RXRB: variants seen among roughly 807,000 people sequenced by gnomAD.
RXRB encodes the protein retinoid X receptor beta, also known as retinoic acid receptor RXR-beta.
A neutral mutation model predicts 52.5 loss-of-function variants in RXRB; 18 were observed. The ratio of observed to expected loss-of-function variants is 0.34; its 90% CI spans 0.24 to 0.51. The LOEUF (loss-of-function observed/expected upper bound fraction) is 0.51, where lower values mean the gene tolerates loss of function less well. Ranked by LOEUF, RXRB falls within the 20% of genes least tolerant of loss-of-function variation. RXRB has a pLI of 0.97. For missense variants in RXRB, 455 were observed against 698.2 expected (o/e 0.65, Z 3.92); for synonymous variants, 233 against 267.1 (o/e 0.87, Z 1.25).
rs774791452 is a variant in RXRB at position 33,195,367 on chromosome 6, A to G, written c.1344T>C (p.Asn448=). 1 of 1,604,450 alleles carries G rather than the reference A, an allele frequency of 6.2e-7. No homozygotes were observed. The highest frequency in any genetic ancestry group is 2.2e-5 in the East Asian group (1 of 44,860). Residue 448 remains asparagine, a synonymous_variant, in exon 8 of 10, where the codon AAT becomes AAC. Coordinates refer to ENST00000374680, the MANE Select transcript of RXRB (RefSeq NM_021976.5). This position sits in a 1 kb window ranked among gnomAD's most constrained non-coding sequence, Gnocchi z 8.6. Reference sequence around the variant, plus strand: ...CAAAGGTAATCCTCCTCTTACCTGGATTAAACAGAATGATTGCCCTCAGGC... The same window carrying G: ...CAAAGGTAATCCTCCTCTTACCTGGGTTAAACAGAATGATTGCCCTCAGGC... ...LGCLRAIILF[N]PDAKGLSNPS...
rs968857135 is a variant in RXRB at position 33,196,162 on chromosome 6, G to A, written c.994-126C>T. 5 of 1,209,068 alleles carry A rather than the reference G, an allele frequency of 4.1e-6. No individual in the cohort carries two copies. In the African/African-American group the frequency reaches 7.5e-5, roughly 18 times the overall value. 74.9% of individuals were successfully genotyped at this position (1,209,068 alleles called of 1,614,324 possible). ...GTGAGCCCCATCCAAACCAATCCCT[G>A]TAAGTGAGTCTTCTCTTCTGGCATT... is the stretch of plus-strand genomic sequence containing the variant. On this transcript the variant is annotated intron_variant, in intron 5 of 9. Transcript: ENST00000374680. This position sits in a 1 kb window ranked among gnomAD's most constrained non-coding sequence, Gnocchi z 4.0.
rs950700934 is a variant in RXRB, at chr6:33,194,409, G to A, written c.*273C>T. The A allele has an allele frequency of 8.6e-6, 4 of 464,742 alleles. No individual in the cohort carries two copies. In the Admixed American group the frequency reaches 1.1e-4, roughly 13 times the overall value. 28.8% of individuals were successfully genotyped at this position (464,742 alleles called of 1,614,324 possible). On this transcript the variant is annotated 3_prime_UTR_variant, in exon 10 of 10. Coordinates refer to ENST00000374680, the MANE Select transcript of RXRB (RefSeq NM_021976.5). The surrounding 1 kb of genome is among the most constrained non-coding windows in gnomAD (Gnocchi z 4.1). ...GCTTTGTGCTGGGGGAAGGACAGAG[G>A]GTGAGAAATCACCCCAAATCATGGG...
intron 3 of RXRB, 120 bp downstream of exon 3, chr6:33,198,188 C>T: frequency 1.4e-6 from 2 of 1,411,668 alleles, no homozygotes; most frequent in South Asian, 1.2e-5. Context: ...AGCTTCTTTA[C>T]TCCCATCAGG....
Position 33,194,440 on chromosome 6 carries a change from C to T in RXRB, c.*242G>A. 2.0e-6 allele frequency: 1 copy of T among 497,576 alleles called. No individual in the cohort carries two copies. 30.8% of individuals were successfully genotyped at this position (497,576 alleles called of 1,614,324 possible). A position where few individuals can be genotyped will look rare whatever the true frequency, so the allele number is the denominator to read the frequency against. ...AAATCACCCCAAATCATGGGAGAACCCGACAAATTCAGAGACTCAAGGCCA... is the reference window on the plus strand; with the variant it reads ...AAATCACCCCAAATCATGGGAGAACTCGACAAATTCAGAGACTCAAGGCCA... On this transcript the variant is annotated 3_prime_UTR_variant, in exon 10 of 10. Coordinates refer to ENST00000374680, the MANE Select transcript of RXRB (RefSeq NM_021976.5). The surrounding 1 kb of genome is among the most constrained non-coding windows in gnomAD (Gnocchi z 4.1).
At position 33,196,255 on chromosome 6, in the gene RXRB, C is replaced by T; in HGVS notation, c.993+179G>A. 2 of 913,534 alleles carry T rather than the reference C, an allele frequency of 2.2e-6. No individual in the cohort carries two copies. Among genetic ancestry groups the T allele is most frequent in the Admixed American group, 1.8e-5 (1 of 55,932 alleles). The allele number at this position is 913,534 out of a possible 1,614,324, so 56.6% of individuals were successfully genotyped here. On this transcript the variant is annotated intron_variant, in intron 5 of 9. Coordinates refer to ENST00000374680, the MANE Select transcript of RXRB (RefSeq NM_021976.5). The surrounding 1 kb of genome is among the most constrained non-coding windows in gnomAD (Gnocchi z 4.0). ...CAGTGGGTTGTTTGGGGAGTGGAGA[C>T]AGAAGGAGCTATCACATCCACCTCA...
chr6:33,197,966 A>G lies in RXRB; in HGVS notation c.641-25T>C. 6.2e-7 allele frequency: 1 copy of G among 1,608,098 alleles called. No homozygotes were observed. The highest frequency in any genetic ancestry group is 1.7e-5 in the Admixed American group (1 of 59,304). ...CCTACAGGGAAAGGGGAGGAGCAAT[A>G]AGAAGGTTGCATGGAGACACCTTCA... On this transcript the variant is annotated intron_variant, in intron 3 of 9. Coordinates refer to ENST00000374680, the MANE Select transcript of RXRB (RefSeq NM_021976.5). The surrounding 1 kb of genome is among the most constrained non-coding windows in gnomAD (Gnocchi z 4.4).
chr6:33,199,617 G>A lies in RXRB; in HGVS notation c.236-201C>T, dbSNP rs1774271672. On this transcript the variant is annotated intron_variant, in intron 1 of 9. Transcript: ENST00000374680. ...TGTAACTCCGGCTGGTCCGATGGTA[G>A]TGGGTTATCAGAACTTATTAACATT... is the stretch of plus-strand genomic sequence containing the variant. 4 of 496,810 alleles carry A rather than the reference G, an allele frequency of 8.1e-6. No homozygotes were observed. The East Asian group carries it at 1.2e-4, about 15-fold the overall frequency. The allele number at this position is 496,810 out of a possible 1,614,324, so 30.8% of individuals were successfully genotyped here. A position where few individuals can be genotyped will look rare whatever the true frequency, so the allele number is the denominator to read the frequency against.
upstream of RXRB, chr6:33,200,713 A>C (rs2150678950): frequency 6.5e-7 from 1 of 1,546,392 alleles, no homozygotes; most frequent in Admixed American, 2.0e-5. The surrounding 1 kb of genome is among the most constrained non-coding windows in gnomAD (Gnocchi z 6.3). Context: ...GAAACCGAGG[A>C]GGCGGTCTCC....
chr6:33,196,234 G>A lies in RXRB; in HGVS notation c.994-198C>T, dbSNP rs1773882724. The A allele has an allele frequency of 2.2e-6, 2 of 915,618 alleles. No homozygotes were observed. The highest frequency in any genetic ancestry group is 2.5e-5 in the East Asian group (1 of 40,340). 56.7% of individuals were successfully genotyped at this position (915,618 alleles called of 1,614,324 possible). ...GGGACATGCCTATGGTTCTGCCAGTGGGTTGTTTGGGGAGTGGAGACAGAA... is the reference window on the plus strand; with the variant it reads ...GGGACATGCCTATGGTTCTGCCAGTAGGTTGTTTGGGGAGTGGAGACAGAA... On this transcript the variant is annotated intron_variant, in intron 5 of 9. Coordinates refer to ENST00000374680, the MANE Select transcript of RXRB (RefSeq NM_021976.5). The surrounding 1 kb of genome is among the most constrained non-coding windows in gnomAD (Gnocchi z 4.0).
chr6:33,194,699 G>A lies in RXRB; in HGVS notation c.1585C>T (p.Pro529Ser), dbSNP rs769613513. 1.3e-5 allele frequency: 21 copies of A among 1,612,968 alleles called. No homozygotes were observed. Among genetic ancestry groups the A allele is most frequent in the African/African-American group, 5.3e-5 (4 of 74,924 alleles). ...DTFLMEMLEA[P>S]HQLA ...GTCTGAGCTCAGGCCAGTTGATGGG[G>A]AGCCTCAAGCATCTCCATGAGGAAG... Residue 529 changes from proline (P) to serine (S), a missense_variant, in exon 10 of 10, where the codon CCC becomes TCC. Coordinates refer to ENST00000374680, the MANE Select transcript of RXRB (RefSeq NM_021976.5). The surrounding 1 kb of genome is among the most constrained non-coding windows in gnomAD (Gnocchi z 4.1).
Position 33,194,037 on chromosome 6 carries a change from G to C in RXRB, c.*645C>G, listed in dbSNP as rs1229145438. Reference sequence around the variant, plus strand: ...AGTACTTCTTTGAGTCTAACTGCAAGTCTCTATCCTCACAGGAAATTAAAA... The same window carrying C: ...AGTACTTCTTTGAGTCTAACTGCAACTCTCTATCCTCACAGGAAATTAAAA... On this transcript the variant is annotated 3_prime_UTR_variant, in exon 10 of 10. Transcript: ENST00000374680. The surrounding 1 kb of genome is among the most constrained non-coding windows in gnomAD (Gnocchi z 4.1). 1 of 152,270 alleles carries C rather than the reference G, an allele frequency of 6.6e-6. No individual in the cohort carries two copies. Among genetic ancestry groups the C allele is most frequent in the Non-Finnish European group, 1.5e-5 (1 of 68,072 alleles). The allele number at this position is 152,270 out of a possible 1,614,324, so 9.4% of individuals were successfully genotyped here. A position where few individuals can be genotyped will look rare whatever the true frequency, so the allele number is the denominator to read the frequency against.
chr6:33,195,143 G>T lies in RXRB; in HGVS notation c.1349-93C>A. On this transcript the variant is annotated intron_variant, in intron 8 of 9. Transcript: ENST00000374680. This position sits in a 1 kb window ranked among gnomAD's most constrained non-coding sequence, Gnocchi z 8.6. ...GTGAGCCACAGGATGCCCCTTTTGGGCTGCACTTGCTTGCCCTTTACCAGA... is the reference window on the plus strand; with the variant it reads ...GTGAGCCACAGGATGCCCCTTTTGGTCTGCACTTGCTTGCCCTTTACCAGA... 1 of 968,294 alleles carries T rather than the reference G, an allele frequency of 1.0e-6. No homozygotes were observed. The highest frequency in any genetic ancestry group is 1.6e-6 in the Non-Finnish European group (1 of 610,120). 60.0% of individuals were successfully genotyped at this position (968,294 alleles called of 1,614,324 possible). A position where few individuals can be genotyped will look rare whatever the true frequency, so the allele number is the denominator to read the frequency against.
chr6:33,196,196 C>G lies in RXRB; in HGVS notation c.994-160G>C. ...TCTTCTCTTCTGGCATTAGTGCAAACAATTATTTATTTGGGACATGCCTAT... is the reference window on the plus strand; with the variant it reads ...TCTTCTCTTCTGGCATTAGTGCAAAGAATTATTTATTTGGGACATGCCTAT... On this transcript the variant is annotated intron_variant, in intron 5 of 9. Coordinates refer to ENST00000374680, the MANE Select transcript of RXRB (RefSeq NM_021976.5). The surrounding 1 kb of genome is among the most constrained non-coding windows in gnomAD (Gnocchi z 4.0). The G allele has an allele frequency of 9.9e-7, 1 of 1,014,672 alleles. No homozygotes were observed. Among genetic ancestry groups the G allele is most frequent in the Non-Finnish European group, 1.5e-6 (1 of 674,114 alleles). 62.9% of individuals were successfully genotyped at this position (1,014,672 alleles called of 1,614,324 possible).
chr6:33,200,708 C>T (rs1423250950), upstream of RXRB: 13 of 1,546,468 alleles, frequency 8.4e-6, no homozygotes, highest in Non-Finnish European at 1.1e-5. The surrounding 1 kb of genome is among the most constrained non-coding windows in gnomAD (Gnocchi z 6.3). Flanking sequence ...AGTTGGAAAC[C>T]GAGGAGGCGG....
intron 1 of RXRB, chr6:33,199,699 A>C (rs1774281754): frequency 2.3e-6 from 1 of 443,716 alleles, no homozygotes; most frequent in Admixed American, 3.4e-5. Flanking sequence ...GGCTAAAAAA[A>C]CCCAAAAACA....
chr6:33,200,151 C>T lies in RXRB; in HGVS notation c.235+91G>A. ...GTGTTTACAAACAAGGGGGCGGGAGCGCAAGGAAAAGAGCACCGGGGGAGG... is the reference window on the plus strand; with the variant it reads ...GTGTTTACAAACAAGGGGGCGGGAGTGCAAGGAAAAGAGCACCGGGGGAGG... On this transcript the variant is annotated intron_variant, in intron 1 of 9. Coordinates refer to ENST00000374680, the MANE Select transcript of RXRB (RefSeq NM_021976.5). This position sits in a 1 kb window ranked among gnomAD's most constrained non-coding sequence, Gnocchi z 6.3. 6.6e-7 allele frequency: 1 copy of T among 1,516,538 alleles called. No individual in the cohort carries two copies. Among genetic ancestry groups the T allele is most frequent in the Non-Finnish European group, 9.0e-7 (1 of 1,108,184 alleles). 93.9% of individuals were successfully genotyped at this position (1,516,538 alleles called of 1,614,324 possible).
intron 1 of RXRB, 23 bp from the exon 2 acceptor site, chr6:33,199,439 C>A: frequency 3.2e-6 from 4 of 1,262,032 alleles, no homozygotes; most frequent in Non-Finnish European, 3.0e-6. Context: ...TATGTACAGG[C>A]ACACAGACAC....
Position 33,200,308 on chromosome 6 carries a change from C to T in RXRB, c.169G>A (p.Glu57Lys). ...AAAAAAVAGG[E>K]QQTPEPEPGE... is the part of the protein sequence containing the mutation. ...GGCTCCGGCTCCGGGGTTTGTTGTT[C>T]TCCGCCTGCCACCGCCGCCGCCGCC... is the stretch of plus-strand genomic sequence containing the variant. Residue 57 changes from glutamate to lysine, a missense_variant, in exon 1 of 10, where the codon GAA (glutamate) becomes AAA (lysine). Physicochemically the swap from Glu to Lys is moderately conservative, Grantham distance 56. Transcript: ENST00000374680. The surrounding 1 kb of genome is among the most constrained non-coding windows in gnomAD (Gnocchi z 6.3). The T allele has an allele frequency of 6.3e-7, 1 of 1,598,236 alleles. No individual in the cohort carries two copies. Among genetic ancestry groups the T allele is most frequent in the Non-Finnish European group, 8.5e-7 (1 of 1,175,836 alleles).
In RXRB at chr6:33,194,961, G is replaced by C; in HGVS notation, c.1438C>G (p.Pro480Ala). Residue 480 changes from proline (P) to alanine (A), a missense_variant, in exon 9 of 10, where the codon CCT becomes GCT. Pro to Ala is a conservative substitution (Grantham distance 27, BLOSUM62 -1). Transcript: ENST00000374680. The surrounding 1 kb of genome is among the most constrained non-coding windows in gnomAD (Gnocchi z 4.1). The part of the protein sequence containing the change: ...SLETYCKQKY[P>A]EQQGRFAKLL... Reference sequence around the variant, plus strand: ...CCATCTCACCGTCCCTGCTGCTCAGGGTACTTCTGTTTGCAGTAGGTCTCC... The same window carrying C: ...CCATCTCACCGTCCCTGCTGCTCAGCGTACTTCTGTTTGCAGTAGGTCTCC... The C allele has an allele frequency of 6.2e-7, 1 of 1,612,682 alleles. No individual in the cohort carries two copies. The highest frequency in any genetic ancestry group is 8.5e-7 in the Non-Finnish European group (1 of 1,179,858).
Sources: allele counts gnomAD v4.1 joint callset, GRCh38; gene constraint gnomAD v4.1.1; non-coding constraint Gnocchi (gnomAD v3.1); transcripts MANE v1.5; gene names NCBI Gene and HGNC (gene_info 2026-07-23, HGNC 2026-07-21).